UNC13C: variants seen among roughly 807,000 people sequenced by gnomAD.
UNC13C encodes the protein unc-13 homolog C, also known as protein unc-13 homolog C.
UNC13C carries 174 observed loss-of-function variants against 245.4 expected under a neutral mutation model. That is an observed-to-expected ratio of 0.71 (90% CI 0.63 to 0.80). The LOEUF (loss-of-function observed/expected upper bound fraction) is 0.80. Ranked by LOEUF, UNC13C falls within the 30% of genes least tolerant of loss-of-function variation. The pLI, the probability that UNC13C is intolerant of heterozygous loss-of-function variation, is 0.00. For missense variants in UNC13C, 2,829 were observed against 2,602.9 expected, an observed-to-expected ratio of 1.09 and a Z score of -1.89; for synonymous variants, 992 against 895.1, an observed-to-expected ratio of 1.11 and a Z score of -1.93.
chr15:54,554,329 C>T (rs866634884), intron 28 of UNC13C, among the ~76,000 whole-genome samples: 2 of 151,870 alleles, frequency 1.3e-5, no homozygotes, highest in African/African-American at 2.4e-5. Context: ...GGTGTGATTG[C>T]GTGGTTTGTG....
chr15:54,339,056 C>T (rs747656822), intron 17 of UNC13C, among the ~76,000 whole-genome samples: 3 of 151,912 alleles, frequency 2.0e-5, no homozygotes, highest in East Asian at 1.9e-4. Context: ...TTAATAGAGA[C>T]GGGGTTTCTC....
chr15:53,893,581 A>G, the UNC13C span, among the ~76,000 whole-genome samples: 1 of 152,210 alleles, frequency 6.6e-6, no homozygotes, highest in South Asian at 2.1e-4. Context: ...CAGTCTGGCC[A>G]CAGCAGCCTT....
Position 54,050,380 on chromosome 15 carries a change from T to C in UNC13C, c.2983+34494T>C, listed in dbSNP as rs1242835116. ...CCTCAGAAGGCACTCCTCCTTTTTC[T>C]GTACTTGATAAGTATATTTTCTGGG... is the stretch of plus-strand genomic sequence containing the variant. On this transcript the variant is annotated intron_variant, in intron 2 of 32. Coordinates refer to ENST00000260323, the MANE Select transcript of UNC13C (RefSeq NM_001080534.3). The C allele has an allele frequency of 2.9e-5, 16 of 558,876 alleles. No individual in the cohort carries two copies. In the East Asian group the frequency reaches 5.0e-4, roughly 18 times the overall value. 34.6% of individuals were successfully genotyped at this position (558,876 alleles called of 1,614,324 possible). A position where few individuals can be genotyped will look rare whatever the true frequency, so the allele number is the denominator to read the frequency against.
Position 54,408,523 on chromosome 15 carries a change from T to C in UNC13C, c.4848-6459T>C, listed in dbSNP as rs112718119. On this transcript the variant is annotated intron_variant, in intron 18 of 32. Transcript: ENST00000260323. ...CATCTTTTAAAAGAACTCACGTATA[T>C]AGTAAAACTCCGATTGATTCTACTT... 8.3e-3 allele frequency among the ~76,000 whole-genome samples: 1,258 copies of C among 152,264 alleles called. 6 individuals carry two copies. The highest frequency in any genetic ancestry group is 0.024 in the Middle Eastern group (7 of 294).
At chr15:54,493,330 C>T (rs764549596) in intron 19 of UNC13C, among the ~76,000 whole-genome samples, 6 of 152,050 alleles carry the variant, frequency 3.9e-5, no homozygotes, top group Non-Finnish European at 8.8e-5. Context: ...GTTTATTACT[C>T]TTGTTTCTAT....
intron 17 of UNC13C, among the ~76,000 whole-genome samples, chr15:54,376,963 C>T (rs1390409850): frequency 6.6e-6 from 1 of 152,178 alleles, no homozygotes; most frequent in African/African-American, 2.4e-5. Flanking sequence ...GATCCAATGA[C>T]AGACATTCTT....
At chr15:54,442,282 A>C (rs1890570986) in intron 19 of UNC13C, among the ~76,000 whole-genome samples, 1 of 130,152 alleles carries the variant, frequency 7.7e-6, no homozygotes, top group Admixed American at 8.8e-5. Flanking sequence ...ACAGGATCTC[A>C]CTCTGTTGCC....
At chr15:54,213,360 A>G (rs1431634941) in intron 4 of UNC13C, among the ~76,000 whole-genome samples, 2 of 152,066 alleles carry the variant, frequency 1.3e-5, no homozygotes, top group African/African-American at 4.8e-5. Flanking sequence ...AGTATATTTT[A>G]TATAGTTCCT....
intron 17 of UNC13C, among the ~76,000 whole-genome samples, chr15:54,348,013 T>C (rs1274579061): frequency 6.6e-6 from 1 of 152,188 alleles, no homozygotes; most frequent in Non-Finnish European, 1.5e-5. Context: ...TATATACTAA[T>C]TCTAGAACCA....
At chr15:54,043,667 A>G (rs1896907292) in intron 2 of UNC13C, among the ~76,000 whole-genome samples, 1 of 152,224 alleles carries the variant, frequency 6.6e-6, no homozygotes, top group Non-Finnish European at 1.5e-5. Context: ...GCAATCTTGT[A>G]TTAGTTAATG....
chr15:54,447,344 A>G (rs183314861), intron 19 of UNC13C, among the ~76,000 whole-genome samples: 86 of 152,286 alleles, frequency 5.6e-4, no homozygotes, highest in African/African-American at 1.9e-3. Flanking sequence ...TTCAGAAGGA[A>G]TGGTACCACC....
intron 2 of UNC13C, among the ~76,000 whole-genome samples, chr15:54,042,768 G>A (rs1464200438): frequency 2.0e-5 from 3 of 152,094 alleles, no homozygotes; most frequent in Non-Finnish European, 4.4e-5. Context: ...TAGGAGAATG[G>A]CGTGAACCCG....
downstream of UNC13C, chr15:54,629,956 C>A (rs1000503567): frequency 6.6e-6 from 1 of 152,150 alleles, no homozygotes; most frequent in African/African-American, 2.4e-5. Flanking sequence ...CTCTGTTTTC[C>A]TCTCAAAGCA....
chr15:54,623,740 C>T, intron 31 of UNC13C, 55 bp from the exon 32 acceptor site: 1 of 1,516,918 alleles, frequency 6.6e-7, no homozygotes, highest in Non-Finnish European at 8.9e-7. Context: ...TTTAAAATTT[C>T]ACTCTAAATT....
chr15:54,093,413 A>T (rs918051479), intron 2 of UNC13C, among the ~76,000 whole-genome samples: 1 of 152,206 alleles, frequency 6.6e-6, no homozygotes, highest in Admixed American at 6.5e-5. Context: ...TTACTCCTTA[A>T]ATTGTCCTTT....
At chr15:54,023,667 A>G (rs970242740) in intron 2 of UNC13C, among the ~76,000 whole-genome samples, 1 of 152,228 alleles carries the variant, frequency 6.6e-6, no homozygotes. Context: ...GAGTTCATAA[A>G]CACAGTTAAG....
At chr15:54,320,133 C>G (rs1450800081) in intron 13 of UNC13C, among the ~76,000 whole-genome samples, 1 of 151,914 alleles carries the variant, frequency 6.6e-6, no homozygotes, top group East Asian at 1.9e-4. Context: ...GTTAAATTGA[C>G]TTATTAATTC....
intron 2 of UNC13C, among the ~76,000 whole-genome samples, chr15:54,096,655 C>A (rs1899882747): frequency 6.6e-6 from 1 of 152,188 alleles, no homozygotes; most frequent in Non-Finnish European, 1.5e-5. Flanking sequence ...TCCACACTAA[C>A]TTTCTTACCA....
intron 20 of UNC13C, 74 bp from the exon 21 acceptor site, chr15:54,500,005 A>G: frequency 3.5e-6 from 4 of 1,141,046 alleles, no homozygotes; most frequent in Non-Finnish European, 5.0e-6. Context: ...CTCATATGCA[A>G]AAAGAGCAGC....
Sources: gnomAD v4.1 joint callset for allele counts (sites outside exome capture counted in the v4.1 genomes callset) on GRCh38, gnomAD v4.1.1 for gene constraint, MANE v1.5 for transcripts, NCBI Gene and HGNC (gene_info 2026-07-23, HGNC 2026-07-21) for gene names.